COL23A1: variants seen among roughly 807,000 people sequenced by gnomAD.
COL23A1 encodes collagen type XXIII alpha 1 chain, also known as collagen alpha-1(XXIII) chain.
In COL23A1, 97 loss-of-function variants were observed where a neutral mutation model predicts 99.3. The observed-to-expected ratio is 0.98, with a 90% CI of 0.83 to 1.16. The LOEUF is 1.16. Among genes scored for constraint, COL23A1 ranks in the 50% most tolerant of loss-of-function variants. COL23A1 has a pLI of 0.00. For missense variants in COL23A1, 762 were observed against 757.4 expected (o/e 1.01, Z -0.07); for synonymous variants, 320 against 308.2 (o/e 1.04, Z -0.40).
At chr5:178,571,896 CG>C (rs1763117718) in intron 1 of COL23A1, among the ~76,000 whole-genome samples, 1 of 151,914 alleles carries the variant, frequency 6.6e-6, no homozygotes. Context: ...GGTGAAACCC[CG>C]TCTCTACTAA....
In COL23A1 at chr5:178,247,804, G is replaced by A; in HGVS notation, c.1240C>T (p.Pro414Ser). ...LAQLIVEPGP[P>S]GPPGPPGPMG... The stretch of plus-strand genomic sequence containing the variant: ...GGGCCTGGGGGGCCAGGGGGGCCAG[G>A]GGGCCCTGGCTCCACTATGAGCTGA... The change falls in exon 21 of 29, where the codon CCT becomes TCT. Residue 414 changes from proline (P) to serine (S), a missense_variant. By Grantham distance (74) the Pro-to-Ser change is moderately conservative. Transcript: ENST00000390654. 2 of 1,613,688 alleles carry A rather than the reference G, an allele frequency of 1.2e-6. No individual in the cohort carries two copies. The highest frequency in any genetic ancestry group is 1.7e-6 in the Non-Finnish European group (2 of 1,179,802).
chr5:178,455,039 G>A (rs1020046455), intron 2 of COL23A1, among the ~76,000 whole-genome samples: 8 of 152,206 alleles, frequency 5.3e-5, no homozygotes, highest in Non-Finnish European at 7.3e-5. Flanking sequence ...TGCACGTGAC[G>A]TGCACACAAC....
chr5:178,334,748 G>A lies in COL23A1; in HGVS notation c.362-27829C>T, dbSNP rs148427365. Among the ~76,000 whole-genome samples the A allele has an allele frequency of 1.6e-4, 25 of 152,332 alleles. No homozygotes were observed. The East Asian group carries it at 4.6e-3, about 28-fold the overall frequency. On this transcript the variant is annotated intron_variant, in intron 2 of 28. Coordinates refer to ENST00000390654, the MANE Select transcript of COL23A1 (RefSeq NM_173465.4). ...AGATGACACGAACCAAGGGACTGGT[G>A]TAGTCTGGGTATTTTCACATATGTT...
intron 1 of COL23A1, chr5:178,561,977 C>G (rs995769035): frequency 4.8e-6 from 2 of 416,832 alleles, no homozygotes; most frequent in South Asian, 3.9e-5. Context: ...TACAGACGGG[C>G]AACAAGAGGC....
At chr5:178,371,769 C>T (rs894458375) in intron 2 of COL23A1, among the ~76,000 whole-genome samples, 4 of 152,192 alleles carry the variant, frequency 2.6e-5, no homozygotes, top group East Asian at 1.9e-4. Context: ...CATCTACTCT[C>T]GGCCACCCAG....
chr5:178,305,864 G>A (rs559160123), intron 3 of COL23A1, among the ~76,000 whole-genome samples: 1 of 152,092 alleles, frequency 6.6e-6, no homozygotes, highest in Non-Finnish European at 1.5e-5. Flanking sequence ...GGCAGGGAAG[G>A]GATCGAGGAT....
intron 2 of COL23A1, among the ~76,000 whole-genome samples, chr5:178,514,392 GC>G (rs1352739691): frequency 6.6e-6 from 1 of 152,220 alleles, no homozygotes; most frequent in Non-Finnish European, 1.5e-5. Flanking sequence ...CTCTTTCCAA[GC>G]CCCTGCTTTC....
Position 178,306,310 on chromosome 5 carries a change from G to T in COL23A1, c.406+565C>A, listed in dbSNP as rs1411300261. Among the ~76,000 whole-genome samples, 1 of 25,436 alleles carries T rather than the reference G, an allele frequency of 3.9e-5. No individual in the cohort carries two copies. The highest frequency in any genetic ancestry group is 1.1e-4 in the Non-Finnish European group (1 of 9,286). The allele number at this position is 25,436 out of a possible 152,430, so 16.7% of individuals were successfully genotyped here. A position where few individuals can be genotyped will look rare whatever the true frequency, so the allele number is the denominator to read the frequency against. ...CTTTAGCTAAGACGATGTCAGAGGG[G>T]CTTAGGGAAGTCCCTGGGCGAAGGG... On this transcript the variant is annotated intron_variant, in intron 3 of 28. Transcript: ENST00000390654. The surrounding 1 kb of genome is among the most constrained non-coding windows in gnomAD (Gnocchi z 4.1).
rs1758628602 is a variant in COL23A1, at chr5:178,502,582, CA to C, written c.361+58099del. On this transcript the variant is annotated intron_variant, in intron 2 of 28. Transcript: ENST00000390654. ...GACAATAATTCATAGGCCATTTACA[CA>C]CTAGATTGTCATGAAAGTAAGAAGT... 3.9e-5 allele frequency among the ~76,000 whole-genome samples: 6 copies of C among 152,320 alleles called. No homozygotes were observed. In the South Asian group the frequency reaches 1.2e-3, roughly 32 times the overall value.
chr5:178,380,794 C>T (rs567941375), intron 2 of COL23A1, among the ~76,000 whole-genome samples: 31 of 152,286 alleles, frequency 2.0e-4, no homozygotes, highest in African/African-American at 7.2e-4. Flanking sequence ...CTTCACCTGT[C>T]CCCAGCGTCC....
Position 178,589,755 on chromosome 5 carries a change from C to T in COL23A1, c.294+149G>A. On this transcript the variant is annotated intron_variant, in intron 1 of 28. Transcript: ENST00000390654. The surrounding 1 kb of genome is among the most constrained non-coding windows in gnomAD (Gnocchi z 5.4). The stretch of plus-strand genomic sequence containing the variant: ...CCCCCTGCCTCCGCCTTGGCGCAGA[C>T]GTGCCCATCTCTGGGACGGCCCCGA... 6 of 783,258 alleles carry T rather than the reference C, an allele frequency of 7.7e-6. No homozygotes were observed. The highest frequency in any genetic ancestry group is 1.0e-5 in the Non-Finnish European group (6 of 582,518). 48.5% of individuals were successfully genotyped at this position (783,258 alleles called of 1,614,324 possible).
intron 2 of COL23A1, among the ~76,000 whole-genome samples, chr5:178,547,648 ACACCC>A (rs1761712374): frequency 1.5e-4 from 1 of 6,736 alleles, no homozygotes; most frequent in African/African-American, 6.7e-4. Flanking sequence ...CCACACACAC[ACACCC>A]CCCATACACA....
At chr5:178,403,121 A>AAAAAAAAAAAAAC (rs1764550310) in intron 2 of COL23A1, among the ~76,000 whole-genome samples, 1 of 74,146 alleles carries the variant, frequency 1.3e-5, no homozygotes, top group South Asian at 5.7e-4. Context: ...AAAAAAAAAA[A>AAAAAAAAAAAAAC]ATAAATAAAT....
chr5:178,263,354 G>C, intron 8 of COL23A1, 30 bp from the exon 9 acceptor site: 1 of 1,361,904 alleles, frequency 7.3e-7, no homozygotes, highest in Non-Finnish European at 1.0e-6. Flanking sequence ...GCATGACTCT[G>C]AGGGGGAGGG....
chr5:178,343,013 G>C (rs1760755775), intron 2 of COL23A1, among the ~76,000 whole-genome samples: 2 of 152,342 alleles, frequency 1.3e-5, no homozygotes, highest in South Asian at 4.1e-4. Flanking sequence ...TAATGGTTTT[G>C]AGTACCGAAG....
intron 2 of COL23A1, among the ~76,000 whole-genome samples, chr5:178,467,886 G>A (rs1395274174): frequency 2.0e-5 from 3 of 152,200 alleles, no homozygotes; most frequent in South Asian, 4.2e-4. Context: ...GGAGTCCGAG[G>A]CCTGCCTTCC....
Position 178,255,848 on chromosome 5 carries a change from G to A in COL23A1, c.882+505C>T. On this transcript the variant is annotated intron_variant, in intron 15 of 28. Coordinates refer to ENST00000390654, the MANE Select transcript of COL23A1 (RefSeq NM_173465.4). This position sits in a 1 kb window ranked among gnomAD's most constrained non-coding sequence, Gnocchi z 4.2. ...TGGAGGAAGAAGCCAGCCTCTGGGA[G>A]CATGAGGAGACAGAGCCGAGGCCAG... is the stretch of plus-strand genomic sequence containing the variant. The A allele has an allele frequency of 2.4e-6, 1 of 412,502 alleles. No individual in the cohort carries two copies. 25.6% of individuals were successfully genotyped at this position (412,502 alleles called of 1,614,324 possible). A position where few individuals can be genotyped will look rare whatever the true frequency, so the allele number is the denominator to read the frequency against.
intron 1 of COL23A1, among the ~76,000 whole-genome samples, chr5:178,580,851 C>A (rs923477955): frequency 6.6e-6 from 1 of 152,150 alleles, no homozygotes; most frequent in Non-Finnish European, 1.5e-5. Flanking sequence ...AAGACAATAA[C>A]TTTACAAATT....
intron 2 of COL23A1, among the ~76,000 whole-genome samples, chr5:178,355,572 G>T (rs894273645): frequency 6.6e-6 from 1 of 152,086 alleles, no homozygotes; most frequent in Non-Finnish European, 1.5e-5. Context: ...TTGCTCTGTT[G>T]CCCAGGCTGG....
Sources: allele counts gnomAD v4.1 joint callset (sites outside exome capture counted in the v4.1 genomes callset), GRCh38; gene constraint gnomAD v4.1.1; non-coding constraint Gnocchi (gnomAD v3.1); transcripts MANE v1.5; gene names NCBI Gene and HGNC (gene_info 2026-07-23, HGNC 2026-07-21).